Variants in ERBB4 observed in about 807,000 individuals in gnomAD.
ERBB4 encodes the protein erb-b2 receptor tyrosine kinase 4.
ERBB4 carries 42 observed loss-of-function variants against 158.0 expected under a neutral mutation model. The ratio of observed to expected loss-of-function variants is 0.27; its 90% CI spans 0.21 to 0.34. The LOEUF is 0.34. Ranked by LOEUF, ERBB4 falls within the 10% of genes least tolerant of loss-of-function variation. ERBB4 has a pLI of 1.00. For missense variants in ERBB4, 1,333 were observed against 1,624.1 expected (o/e 0.82, Z 3.08); for synonymous variants, 583 against 558.7 (o/e 1.04, Z -0.61).
At chr2:211,453,763 G>A (rs960358674) in intron 20 of ERBB4, among the ~76,000 whole-genome samples, 4 of 152,190 alleles carry the variant, frequency 2.6e-5, no homozygotes, top group South Asian at 2.1e-4. Flanking sequence ...ATTAAAAAAC[G>A]TGTCTATGGA....
At chr2:212,430,873 A>G (rs1327285175) in intron 1 of ERBB4, among the ~76,000 whole-genome samples, 1 of 152,026 alleles carries the variant, frequency 6.6e-6, no homozygotes, top group African/African-American at 2.4e-5. Flanking sequence ...AGAGACAGAG[A>G]CAGTGACACA....
chr2:211,900,156 C>T (rs769637468), intron 3 of ERBB4, among the ~76,000 whole-genome samples: 6 of 152,116 alleles, frequency 3.9e-5, no homozygotes, highest in Non-Finnish European at 8.8e-5. Context: ...GTGTCCTGAA[C>T]TTTAAAGTGA....
chr2:212,264,065 T>C (rs142025444), intron 1 of ERBB4, among the ~76,000 whole-genome samples: 3 of 152,280 alleles, frequency 2.0e-5, no homozygotes, highest in African/African-American at 7.2e-5. Flanking sequence ...ATATGTTATA[T>C]GCTTATTGCC....
Position 212,510,205 on chromosome 2 carries a change from G to GTATATATATATATA in ERBB4, c.82+28230_82+28243dup, listed in dbSNP as rs10556403. On this transcript the variant is annotated intron_variant, in intron 1 of 27. Transcript: ENST00000342788. The stretch of plus-strand genomic sequence containing the variant: ...AAACACCTTCCATCCTAACCACACA[G>GTATATATATATATA]TATATATATATATATATATATATAT... 2.7e-3 allele frequency among the ~76,000 whole-genome samples: 352 copies of GTATATATATATATA among 130,406 alleles called. 6 individuals are homozygous for GTATATATATATATA. The highest frequency in any genetic ancestry group is 0.011 in the East Asian group (47 of 4,382). The allele number at this position is 130,406 out of a possible 152,430, so 85.6% of individuals were successfully genotyped here.
chr2:212,142,626 A>C (rs1377105988), intron 1 of ERBB4, among the ~76,000 whole-genome samples: 3 of 147,990 alleles, frequency 2.0e-5, no homozygotes, highest in Non-Finnish European at 4.5e-5. Context: ...TATATAATAT[A>C]TATAAATATT....
chr2:211,765,979 G>A (rs902266349), intron 4 of ERBB4, among the ~76,000 whole-genome samples: 1 of 152,160 alleles, frequency 6.6e-6, no homozygotes, highest in Non-Finnish European at 1.5e-5. Flanking sequence ...CAGAAAGGTA[G>A]GAGAATAAAA....
intron 20 of ERBB4, among the ~76,000 whole-genome samples, chr2:211,518,255 GA>G (rs2066089939): frequency 6.6e-6 from 1 of 152,016 alleles, no homozygotes; most frequent in Admixed American, 6.5e-5. Context: ...ATAGTCCACA[GA>G]GAGCCTTGTA....
intron 1 of ERBB4, among the ~76,000 whole-genome samples, chr2:212,126,590 G>A (rs916207475): frequency 9.9e-5 from 15 of 151,652 alleles, no homozygotes; most frequent in Admixed American, 5.9e-4. Context: ...CTAATCCTAA[G>A]TAGATTAAAA....
At chr2:211,580,066 G>T (rs982884203) in intron 19 of ERBB4, among the ~76,000 whole-genome samples, 1 of 152,180 alleles carries the variant, frequency 6.6e-6, no homozygotes, top group Admixed American at 6.5e-5. Context: ...CCCTTAATTG[G>T]AAACTGTTGG....
chr2:211,381,889 CT>C lies in ERBB4; in HGVS notation c.*1725del. 4.4e-6 allele frequency: 1 copy of C among 229,184 alleles called. No homozygotes were observed. 14.2% of individuals were successfully genotyped at this position (229,184 alleles called of 1,614,324 possible). ...ATTTTCAGAAAAGGGCGACTTATAT[CT>C]AAGTTTCCTAATTATTGATGTGAGG... On this transcript the variant is annotated 3_prime_UTR_variant, in exon 28 of 28. Transcript: ENST00000342788.
At chr2:211,473,612 T>C (rs561623285) in intron 20 of ERBB4, among the ~76,000 whole-genome samples, 1 of 152,174 alleles carries the variant, frequency 6.6e-6, no homozygotes, top group African/African-American at 2.4e-5. Context: ...ATTAGATCTA[T>C]AGCCATTTGT....
intron 1 of ERBB4, among the ~76,000 whole-genome samples, chr2:212,138,964 C>T (rs924807640): frequency 6.6e-6 from 1 of 152,088 alleles, no homozygotes; most frequent in South Asian, 2.1e-4. Context: ...GTTCCCTACT[C>T]ACTTCACACT....
At chr2:212,304,162 A>C (rs2086724462) in intron 1 of ERBB4, among the ~76,000 whole-genome samples, 1 of 151,536 alleles carries the variant, frequency 6.6e-6, no homozygotes, top group Non-Finnish European at 1.5e-5. Context: ...GATGTTTAGA[A>C]ATTCAAGAAG....
intron 1 of ERBB4, among the ~76,000 whole-genome samples, chr2:212,441,392 T>C (rs987562445): frequency 6.6e-6 from 1 of 152,196 alleles, no homozygotes; most frequent in Admixed American, 6.5e-5. Context: ...CATGATAATG[T>C]TGATTCTCCT....
intron 1 of ERBB4, among the ~76,000 whole-genome samples, chr2:212,419,297 T>G (rs13383863): frequency 0.13 from 19,891 of 151,834 alleles, 1,465 homozygotes; most frequent in African/African-American, 0.21. Context: ...GATTTGGAAG[T>G]GGGAGGCAAA....
At chr2:212,410,808 A>C (rs2091475319) in intron 1 of ERBB4, among the ~76,000 whole-genome samples, 1 of 152,098 alleles carries the variant, frequency 6.6e-6, no homozygotes, top group Non-Finnish European at 1.5e-5. Flanking sequence ...TTGACTATTC[A>C]CCATGTAAGA....
At chr2:211,684,376 G>A (rs900671925) in intron 12 of ERBB4, among the ~76,000 whole-genome samples, 18 of 152,156 alleles carry the variant, frequency 1.2e-4, no homozygotes, top group East Asian at 1.2e-3. Flanking sequence ...GCTTGAAACC[G>A]GGAGGTGGAG....
At chr2:211,585,220 C>G (rs535525142) in intron 19 of ERBB4, among the ~76,000 whole-genome samples, 1 of 152,028 alleles carries the variant, frequency 6.6e-6, no homozygotes, top group South Asian at 2.1e-4. Context: ...GGCGTGGCAG[C>G]GGGAGCCTGT....
chr2:212,434,519 G>T (rs2092095777), intron 1 of ERBB4, among the ~76,000 whole-genome samples: 1 of 151,764 alleles, frequency 6.6e-6, no homozygotes, highest in Non-Finnish European at 1.5e-5. Flanking sequence ...AGAGTAGGGG[G>T]AGTGTGGGGG....
Sources: allele counts gnomAD v4.1 joint callset (sites outside exome capture counted in the v4.1 genomes callset), GRCh38; gene constraint gnomAD v4.1.1; transcripts MANE v1.5; gene names NCBI Gene and HGNC (gene_info 2026-07-23, HGNC 2026-07-21).